CDH12: variants seen among roughly 807,000 people sequenced by gnomAD.
CDH12 encodes the protein cadherin-12.
CDH12 carries 41 observed loss-of-function variants against 74.1 expected under a neutral mutation model. That is an observed-to-expected ratio of 0.55 (90% CI 0.43 to 0.72). CDH12 has a LOEUF of 0.72. Ranked by LOEUF, CDH12 falls within the 30% of genes least tolerant of loss-of-function variation. CDH12 has a pLI of 0.00. For missense variants in CDH12, 945 were observed against 977.2 expected, an observed-to-expected ratio of 0.97 and a Z score of 0.44; for synonymous variants, 399 against 355.0, an observed-to-expected ratio of 1.12 and a Z score of -1.39.
intron 3 of CDH12, among the ~76,000 whole-genome samples, chr5:22,249,543 CT>C (rs1388944756): frequency 1.3e-5 from 2 of 152,122 alleles, no homozygotes; most frequent in Non-Finnish European, 2.9e-5. Flanking sequence ...AGCTGGTTTA[CT>C]TTTAATACAA....
intron 4 of CDH12, among the ~76,000 whole-genome samples, chr5:22,204,691 T>C (rs1401263813): frequency 2.6e-5 from 4 of 152,224 alleles, no homozygotes; most frequent in Non-Finnish European, 5.9e-5. Context: ...TCTATCAAAC[T>C]AATGTGGTGC....
chr5:22,498,539 A>G (rs1747198442), intron 2 of CDH12, among the ~76,000 whole-genome samples: 2 of 152,030 alleles, frequency 1.3e-5, no homozygotes, highest in South Asian at 4.1e-4. Flanking sequence ...GAAAGGGGCA[A>G]AGTGAATTCT....
At chr5:22,417,512 G>T (rs1347762563) in intron 2 of CDH12, among the ~76,000 whole-genome samples, 1 of 152,198 alleles carries the variant, frequency 6.6e-6, no homozygotes, top group African/African-American at 2.4e-5. Flanking sequence ...GAAGGCCCTC[G>T]CCAGATATGA....
At chr5:21,791,594 G>T (rs1021364524) in intron 10 of CDH12, among the ~76,000 whole-genome samples, 3 of 151,282 alleles carry the variant, frequency 2.0e-5, no homozygotes, top group Non-Finnish European at 2.9e-5. Flanking sequence ...GAGTAGATGG[G>T]ATTTAAGTGA....
chr5:22,842,141 C>T (rs1581054303), intron 1 of CDH12, among the ~76,000 whole-genome samples: 1 of 152,094 alleles, frequency 6.6e-6, no homozygotes, highest in South Asian at 2.1e-4. Context: ...AGTACTGCCA[C>T]GGAACCCCAA....
intron 1 of CDH12, among the ~76,000 whole-genome samples, chr5:22,509,609 G>A (rs1736519816): frequency 1.3e-5 from 2 of 152,236 alleles, no homozygotes; most frequent in South Asian, 2.1e-4. Flanking sequence ...ATGAAATTCA[G>A]GCATCTTGGG....
intron 3 of CDH12, among the ~76,000 whole-genome samples, chr5:22,360,000 C>T (rs1482665367): frequency 1.3e-5 from 2 of 151,970 alleles, no homozygotes; most frequent in Non-Finnish European, 2.9e-5. Flanking sequence ...AATTGACACC[C>T]TAACATCACA....
chr5:21,951,734 G>A (rs1294298795), intron 6 of CDH12, among the ~76,000 whole-genome samples: 1 of 152,182 alleles, frequency 6.6e-6, no homozygotes, highest in Non-Finnish European at 1.5e-5. Context: ...CCTTGACAAT[G>A]GAAGAAAGTA....
At chr5:22,740,895 A>T (rs1409562786) in intron 1 of CDH12, among the ~76,000 whole-genome samples, 1 of 152,168 alleles carries the variant, frequency 6.6e-6, no homozygotes, top group Non-Finnish European at 1.5e-5. Flanking sequence ...AAAGTAATGC[A>T]TTAAATGAAC....
At chr5:22,416,842 A>T (rs1743413455) in intron 2 of CDH12, among the ~76,000 whole-genome samples, 1 of 152,214 alleles carries the variant, frequency 6.6e-6, no homozygotes, top group South Asian at 2.1e-4. Context: ...ACACCAAGAC[A>T]GGACTGTACG....
At chr5:22,442,510 T>C (rs968518077) in intron 2 of CDH12, among the ~76,000 whole-genome samples, 1 of 152,192 alleles carries the variant, frequency 6.6e-6, no homozygotes, top group Non-Finnish European at 1.5e-5. Context: ...GTTTTTACAT[T>C]TTTGATAGGC....
intron 1 of CDH12, among the ~76,000 whole-genome samples, chr5:22,688,187 T>C (rs1427004456): frequency 6.6e-6 from 1 of 152,106 alleles, no homozygotes; most frequent in African/African-American, 2.4e-5. Context: ...ATAGTATAAG[T>C]GGAATGCTGT....
rs147097460 is a variant in CDH12, at chr5:22,056,546, C to T, written c.231+21900G>A. ...TCGTGGAAATGAGAATCTATGTCTT[C>T]GTTGAACATAGATAGATTCTTCCTA... On this transcript the variant is annotated intron_variant, in intron 5 of 14. Coordinates refer to ENST00000382254, the MANE Select transcript of CDH12 (RefSeq NM_004061.5). 8.4e-3 allele frequency among the ~76,000 whole-genome samples: 1,282 copies of T among 152,218 alleles called. 18 individuals carry two copies. The highest frequency in any genetic ancestry group is 0.03 in the African/African-American group (1,230 of 41,540).
intron 9 of CDH12, 97 bp from the exon 10 acceptor site, chr5:21,802,517 A>G: frequency 1.0e-6 from 1 of 989,990 alleles, no homozygotes; most frequent in Non-Finnish European, 1.5e-6. Context: ...GTTATTATCA[A>G]TTATACTGGT....
chr5:21,798,287 A>C (rs1472658210), intron 10 of CDH12, among the ~76,000 whole-genome samples: 1 of 150,888 alleles, frequency 6.6e-6, no homozygotes, highest in Non-Finnish European at 1.5e-5. Flanking sequence ...GTGTGTCTGC[A>C]TATAGCCCTA....
chr5:22,392,125 G>A (rs1742274276), intron 3 of CDH12, among the ~76,000 whole-genome samples: 1 of 152,132 alleles, frequency 6.6e-6, no homozygotes, highest in South Asian at 2.1e-4. Context: ...TATGACCCAG[G>A]GGAGTAAGGG....
At chr5:22,132,843 G>T (rs1303249089) in intron 4 of CDH12, among the ~76,000 whole-genome samples, 1 of 152,046 alleles carries the variant, frequency 6.6e-6, no homozygotes, top group East Asian at 1.9e-4. Flanking sequence ...ATTCCTTCCA[G>T]CCATCACTAA....
chr5:22,289,830 T>C (rs1035629862), intron 3 of CDH12, among the ~76,000 whole-genome samples: 4 of 152,124 alleles, frequency 2.6e-5, no homozygotes, highest in Non-Finnish European at 5.9e-5. Flanking sequence ...ATGCCCCATA[T>C]TCTAGTCCAG....
chr5:22,586,243 A>C (rs1424070853), intron 1 of CDH12, among the ~76,000 whole-genome samples: 1 of 152,106 alleles, frequency 6.6e-6, no homozygotes, highest in Non-Finnish European at 1.5e-5. Flanking sequence ...CAAGGACAAA[A>C]AACCAAACAC....
Sources: allele counts gnomAD v4.1 joint callset (sites outside exome capture counted in the v4.1 genomes callset), GRCh38; gene constraint gnomAD v4.1.1; transcripts MANE v1.5; gene names NCBI Gene and HGNC (gene_info 2026-07-23, HGNC 2026-07-21).